The following DENND5B variants were observed in gnomAD, a reference collection of about 807,000 sequenced individuals.
The protein encoded by DENND5B is DENN domain-containing protein 5B.
A neutral mutation model predicts 140.6 loss-of-function variants in DENND5B; 34 were observed. The ratio of observed to expected loss-of-function variants is 0.24; its 90% CI spans 0.18 to 0.32. The LOEUF (loss-of-function observed/expected upper bound fraction) is 0.32, where lower values mean the gene tolerates loss of function less well. DENND5B is among the 10% of genes least tolerant of loss of function. The pLI is 1.00. For missense variants in DENND5B, 1,142 were observed against 1,560.2 expected (o/e 0.73, Z 4.52); for synonymous variants, 551 against 562.1 (o/e 0.98, Z 0.28).
intron 1 of DENND5B, among the ~76,000 whole-genome samples, chr12:31,518,434 T>A (rs1947755586): frequency 6.6e-6 from 1 of 152,168 alleles, no homozygotes; most frequent in Admixed American, 6.5e-5. Flanking sequence ...AGACAGTGTC[T>A]TCCTCTATTA....
chr12:31,486,391 G>A (rs1369630506), intron 2 of DENND5B, among the ~76,000 whole-genome samples: 1 of 152,186 alleles, frequency 6.6e-6, no homozygotes, highest in Non-Finnish European at 1.5e-5. Flanking sequence ...CTAGAACTGT[G>A]AGAAATAAAT....
intron 1 of DENND5B, among the ~76,000 whole-genome samples, chr12:31,525,954 T>C (rs1033103797): frequency 7.9e-5 from 12 of 152,270 alleles, no homozygotes; most frequent in Admixed American, 5.2e-4. Flanking sequence ...GATTGCACCA[T>C]TGCACTCCAA....
chr12:31,494,183 T>TCCACCCACCCAC (rs1565635337), intron 2 of DENND5B, among the ~76,000 whole-genome samples: 2 of 50,494 alleles, frequency 4.0e-5, no homozygotes, highest in South Asian at 6.3e-4. Context: ...TATCTATCTA[T>TCCACCCACCCAC]CCATCCATCC....
Position 31,480,259 on chromosome 12 carries a change from T to TGAAA in DENND5B, c.238-8_238-5dup. The TGAAA allele has an allele frequency of 6.7e-7, 1 of 1,481,676 alleles. No homozygotes were observed. The highest frequency in any genetic ancestry group is 1.4e-5 in the South Asian group (1 of 72,790). 91.8% of individuals were successfully genotyped at this position (1,481,676 alleles called of 1,614,324 possible). A position where few individuals can be genotyped will look rare whatever the true frequency, so the allele number is the denominator to read the frequency against. ...ATAGCCCTTTAGGCATGCACAACTG[T>TGAAA]GAAAGAAAGAAAAAAAAAAATCAGA... is the stretch of plus-strand genomic sequence containing the variant. On this transcript the variant is annotated splice_region_variant and splice_polypyrimidine_tract_variant and intron_variant, in intron 2 of 20. Transcript: ENST00000389082.
intron 4 of DENND5B, among the ~76,000 whole-genome samples, chr12:31,456,156 C>T (rs1223058082): frequency 1.3e-5 from 2 of 152,024 alleles, no homozygotes; most frequent in Admixed American, 6.6e-5. Context: ...ATGGTGAAAC[C>T]CCATCTCTAG....
At chr12:31,557,560 G>C (rs1457491920) in intron 1 of DENND5B, among the ~76,000 whole-genome samples, 1 of 151,446 alleles carries the variant, frequency 6.6e-6, no homozygotes, top group Non-Finnish European at 1.5e-5. Context: ...TTTTGTATTT[G>C]TTGTAGAAAC....
At chr12:31,451,080 G>A (rs1057439314) in intron 5 of DENND5B, among the ~76,000 whole-genome samples, 2 of 152,104 alleles carry the variant, frequency 1.3e-5, no homozygotes, top group African/African-American at 2.4e-5. Flanking sequence ...CTTAAAATGA[G>A]ATAGAGAAAT....
chr12:31,529,106 T>G (rs1465726333), intron 1 of DENND5B, among the ~76,000 whole-genome samples: 1 of 143,800 alleles, frequency 7.0e-6, no homozygotes, highest in African/African-American at 2.6e-5. Flanking sequence ...GAGGTTGCAG[T>G]GAGCCAAGAT....
At chr12:31,410,785 A>G (rs1183303837) in intron 13 of DENND5B, among the ~76,000 whole-genome samples, 1 of 152,162 alleles carries the variant, frequency 6.6e-6, no homozygotes, top group Non-Finnish European at 1.5e-5. Flanking sequence ...CACTAACTAG[A>G]GAAGGCAATA....
Position 31,549,309 on chromosome 12 carries a change from C to G in DENND5B, c.127+41397G>C, listed in dbSNP as rs1006834275. Among the ~76,000 whole-genome samples, 5 of 152,056 alleles carry G rather than the reference C, an allele frequency of 3.3e-5. No individual in the cohort carries two copies. In the South Asian group the frequency reaches 6.2e-4, roughly 19 times the overall value. The stretch of plus-strand genomic sequence containing the variant: ...ACCAAGTCTTCTTGTTATCGTAAAA[C>G]GGCACTGACTTTTTCCTTAATTCTA... On this transcript the variant is annotated intron_variant, in intron 1 of 20. Coordinates refer to ENST00000389082, the MANE Select transcript of DENND5B (RefSeq NM_144973.4).
rs952971486 is a variant in DENND5B at position 31,475,097 on chromosome 12, C to T, written c.904+4492G>A. On this transcript the variant is annotated intron_variant, in intron 3 of 20. Transcript: ENST00000389082. Reference sequence around the variant, plus strand: ...GGGCAGATTACTTAGTTTCCCCAAGCCTCAATCTCCTCCTCAACAAAAAAT... The same window carrying T: ...GGGCAGATTACTTAGTTTCCCCAAGTCTCAATCTCCTCCTCAACAAAAAAT... Among the ~76,000 whole-genome samples the T allele has an allele frequency of 2.0e-5, 3 of 152,108 alleles. No individual in the cohort carries two copies. In the South Asian group the frequency reaches 6.2e-4, roughly 32 times the overall value.
rs191394092 is a variant in DENND5B at position 31,539,294 on chromosome 12, T to C, written c.128-43375A>G. ...GGACCTGATGGCTTCACTACAGAAG[T>C]CTACCAAACATTTAAAGAACGAATA... is the stretch of plus-strand genomic sequence containing the variant. On this transcript the variant is annotated intron_variant, in intron 1 of 20. Coordinates refer to ENST00000389082, the MANE Select transcript of DENND5B (RefSeq NM_144973.4). 2.2e-4 allele frequency among the ~76,000 whole-genome samples: 33 copies of C among 152,104 alleles called. No individual in the cohort carries two copies. In the East Asian group the frequency reaches 3.3e-3, roughly 15 times the overall value.
Position 31,590,817 on chromosome 12 carries a change from C to T in DENND5B, c.16G>A (p.Ala6Thr). 1 of 1,283,176 alleles carries T rather than the reference C, an allele frequency of 7.8e-7. No homozygotes were observed. Among genetic ancestry groups the T allele is most frequent in the Non-Finnish European group, 9.8e-7 (1 of 1,018,478 alleles). 79.5% of individuals were successfully genotyped at this position (1,283,176 alleles called of 1,614,324 possible). Residue 6 changes from alanine (A) to threonine (T), a missense_variant, in exon 1 of 21, where the codon GCG becomes ACG. Physicochemically the swap from Ala to Thr is moderately conservative, Grantham distance 58 (BLOSUM62 0). Around this residue, in one of 5 missense-constraint regions of DENND5B, gnomAD observed 708 missense variants for 905.5 expected, o/e 0.78. Coordinates refer to ENST00000389082, the MANE Select transcript of DENND5B (RefSeq NM_144973.4). The stretch of plus-strand genomic sequence containing the variant: ...GAGCCCGAGCCCGGGCCGGGCGCCG[C>T]GCAGCTCCCGCTCATCCCGGCCGCG... MSGSC[A>T]APGPGSGSSP...
At chr12:31,506,683 C>A (rs1565648008) in intron 1 of DENND5B, among the ~76,000 whole-genome samples, 1 of 152,190 alleles carries the variant, frequency 6.6e-6, no homozygotes, top group Non-Finnish European at 1.5e-5. Flanking sequence ...ACTAAATTCA[C>A]TAGAGCTTGC....
intron 1 of DENND5B, among the ~76,000 whole-genome samples, chr12:31,544,874 G>A (rs1948805997): frequency 6.6e-6 from 1 of 151,714 alleles, no homozygotes; most frequent in African/African-American, 2.4e-5. Flanking sequence ...GACTTTAGAG[G>A]AAAGTTCTTA....
intron 1 of DENND5B, 23 bp downstream of exon 1, chr12:31,590,656 GTCCCCCGCGCCCCTGAGGGGGCTCAGC>G (rs1402825671): frequency 2.1e-6 from 3 of 1,413,342 alleles, no homozygotes; most frequent in Non-Finnish European, 2.8e-6. Flanking sequence ...TCCCCACAGC[GTCCCCCGCGCCCCTGAGGGGGCTCAGC>G]GCCGCCGCAG....
At chr12:31,399,367 C>T (rs562686180) in intron 16 of DENND5B, among the ~76,000 whole-genome samples, 1 of 148,788 alleles carries the variant, frequency 6.7e-6, no homozygotes, top group African/African-American at 2.5e-5. Flanking sequence ...AAATCTCCCC[C>T]TCCCGGGTTC....
At chr12:31,466,981 TTAG>T in intron 3 of DENND5B, among the ~76,000 whole-genome samples, 1 of 152,074 alleles carries the variant, frequency 6.6e-6, no homozygotes, top group African/African-American at 2.4e-5. Flanking sequence ...GAGTCATTCA[TTAG>T]AATGACATTA....
At chr12:31,454,812 CTTTTTTTTTTT>C (rs201720111) in intron 4 of DENND5B, among the ~76,000 whole-genome samples, 25,097 of 94,364 alleles carry the variant, frequency 0.27, 3,526 homozygotes, top group Admixed American at 0.52. Context: ...GATTCAGTAT[CTTTTTTTTTTT>C]TTTTTTTTTT....
Sources: allele counts gnomAD v4.1 joint callset (sites outside exome capture counted in the v4.1 genomes callset), GRCh38; gene constraint gnomAD v4.1.1; regional missense constraint gnomAD v4.1.1; transcripts MANE v1.5; gene names NCBI Gene and HGNC (gene_info 2026-07-23, HGNC 2026-07-21).